ASAP3: variants seen among roughly 807,000 people sequenced by gnomAD.
ASAP3 encodes the protein ArfGAP with SH3 domain, ankyrin repeat and PH domain 3, also known as arf-GAP with SH3 domain, ANK repeat and PH domain-containing protein 3.
ASAP3 carries 85 observed loss-of-function variants against 118.2 expected under a neutral mutation model. The ratio of observed to expected loss-of-function variants is 0.72; its 90% CI spans 0.60 to 0.86. The LOEUF (loss-of-function observed/expected upper bound fraction) is 0.86, where lower values mean the gene tolerates loss of function less well. ASAP3 is among the 40% of genes least tolerant of loss of function. The pLI, the probability that ASAP3 is intolerant of heterozygous loss-of-function variation, is 0.00. For synonymous variants in ASAP3, 432 were observed against 477.4 expected, an observed-to-expected ratio of 0.90 and a Z score of 1.24; for missense variants, 1,026 against 1,175.0, an observed-to-expected ratio of 0.87 and a Z score of 1.85.
Position 23,433,191 on chromosome 1 carries a change from C to T in ASAP3, c.2209G>A (p.Ala737Thr), listed in dbSNP as rs776707855. The change falls in exon 22 of 25, where the codon GCC becomes ACC. Residue 737 changes from alanine (A) to threonine (T), a missense_variant. By Grantham distance (58) the Ala-to-Thr change is moderately conservative. Coordinates refer to ENST00000336689, the MANE Select transcript of ASAP3 (RefSeq NM_017707.4). Reference protein sequence around the residue: ...DISNKTYETVASLGAATPQGE... With the variant: ...DISNKTYETVTSLGAATPQGE... ...TGAGGGGTGGCTGCTCCCAGGCTGG[C>T]GACAGTCTCATAGGTCTTGTTGCTG... 3.1e-6 allele frequency: 5 copies of T among 1,613,998 alleles called. No individual in the cohort carries two copies. The highest frequency in any genetic ancestry group is 1.6e-4 in the Middle Eastern group (1 of 6,084).
chr1:23,437,423 C>T lies in ASAP3; in HGVS notation c.1151+1G>A, dbSNP rs1640715951. 5.6e-6 allele frequency: 9 copies of T among 1,613,934 alleles called. No homozygotes were observed. Among genetic ancestry groups the T allele is most frequent in the Non-Finnish European group, 7.6e-6 (9 of 1,179,906 alleles). ...GCCGGGCTGGCCGAGGGGGCACTCA[C>T]GCCTCACACTCGTGCTCGTCCTCTG... is the stretch of plus-strand genomic sequence containing the variant. On this transcript the variant is annotated splice_donor_variant, in intron 13 of 24. Transcript: ENST00000336689. LOFTEE classifies it high-confidence loss of function. The surrounding 1 kb of genome is among the most constrained non-coding windows in gnomAD (Gnocchi z 6.1).
At chr1:23,442,001 T>A (rs1482417830) in intron 7 of ASAP3, among the ~76,000 whole-genome samples, 185 bp downstream of exon 7, 1 of 152,132 alleles carries the variant, frequency 6.6e-6, no homozygotes, top group Non-Finnish European at 1.5e-5. Flanking sequence ...GTTGGGGAAT[T>A]GAGCGAATTG....
intron 1 of ASAP3, among the ~76,000 whole-genome samples, chr1:23,459,134 C>T (rs1641484918): frequency 7.6e-6 from 1 of 132,256 alleles, no homozygotes; most frequent in Non-Finnish European, 1.5e-5. Context: ...GGTACCACTG[C>T]ACTCCAGCCT....
chr1:23,429,971 G>T, intron 24 of ASAP3, 41 bp from the exon 25 acceptor site: 1 of 1,534,226 alleles, frequency 6.5e-7, no homozygotes, highest in Non-Finnish European at 9.0e-7. Flanking sequence ...CAAAGCACCT[G>T]TAACATACCA....
At chr1:23,435,816 G>A (rs972165440) in intron 17 of ASAP3, 35 bp downstream of exon 17, 6 of 1,613,172 alleles carry the variant, frequency 3.7e-6, no homozygotes, top group Non-Finnish European at 5.1e-6. Flanking sequence ...ATGTTAGACA[G>A]GTGGGTTATA....
intron 1 of ASAP3, among the ~76,000 whole-genome samples, chr1:23,458,471 C>T (rs1165837818): frequency 3.3e-5 from 5 of 151,964 alleles, no homozygotes; most frequent in Non-Finnish European, 5.9e-5. Context: ...TGGTGGCATG[C>T]ACCTATAGTC....
Position 23,438,711 on chromosome 1 carries a change from A to G in ASAP3, c.1102+36T>C, listed in dbSNP as rs201765880. On this transcript the variant is annotated intron_variant, in intron 12 of 24. Transcript: ENST00000336689. This position sits in a 1 kb window ranked among gnomAD's most constrained non-coding sequence, Gnocchi z 4.9. ...CAGGTGTCTTAGAGAAGCCCTGAGC[A>G]GCTGTGGGTGGGGGAGAGGCACAGG... is the stretch of plus-strand genomic sequence containing the variant. 1 of 1,598,190 alleles carries G rather than the reference A, an allele frequency of 6.3e-7. No individual in the cohort carries two copies. Among genetic ancestry groups the G allele is most frequent in the Non-Finnish European group, 8.6e-7 (1 of 1,165,734 alleles).
At chr1:23,454,026 AT>A (rs1221814523) in intron 3 of ASAP3, among the ~76,000 whole-genome samples, 39 of 147,070 alleles carry the variant, frequency 2.7e-4, no homozygotes, top group Non-Finnish European at 3.6e-4. Context: ...CTCAAACACT[AT>A]TTTTTTTTTT....
Position 23,433,667 on chromosome 1 carries a change from C to T in ASAP3, c.1978G>A (p.Asp660Asn). 4.3e-6 allele frequency: 7 copies of T among 1,614,240 alleles called. No homozygotes were observed. The highest frequency in any genetic ancestry group is 5.9e-6 in the Non-Finnish European group (7 of 1,180,048). The change falls in exon 20 of 25, where the codon GAC becomes AAC. Residue 660 changes from aspartate (D) to asparagine (N), a missense_variant. Physicochemically the swap from Asp to Asn is conservative, Grantham distance 23. Coordinates refer to ENST00000336689, the MANE Select transcript of ASAP3 (RefSeq NM_017707.4). ...TTGTGGTGCTTCTTCCTGGCTATGT[C>T]CAGAGCTGTCTCGCCTGCTTCATTT... ...TVNEAGETAL[D>N]IARKKHHKEC... is the part of the protein sequence containing the mutation.
chr1:23,458,538 T>C (rs1055951414), intron 1 of ASAP3, among the ~76,000 whole-genome samples: 2 of 152,042 alleles, frequency 1.3e-5, no homozygotes, highest in African/African-American at 4.8e-5. Flanking sequence ...AGGTCAAAAC[T>C]GCAGTGAGCC....
intron 1 of ASAP3, among the ~76,000 whole-genome samples, chr1:23,457,802 C>G (rs373237408): frequency 1.3e-5 from 2 of 152,180 alleles, no homozygotes; most frequent in African/African-American, 4.8e-5. Flanking sequence ...CATGAGCCAC[C>G]GTGCCCGGGC....
At chr1:23,480,113 G>T (rs1642262385) in intron 1 of ASAP3, 1 of 152,224 alleles carries the variant, frequency 6.6e-6, no homozygotes, top group Non-Finnish European at 1.5e-5. Flanking sequence ...GGTGAGCCAT[G>T]ATTGTGCCAC....
intron 5 of ASAP3, among the ~76,000 whole-genome samples, chr1:23,444,607 C>A (rs939425491): frequency 6.6e-6 from 1 of 152,188 alleles, no homozygotes; most frequent in African/African-American, 2.4e-5. Flanking sequence ...ATAGAAGACA[C>A]ATGGCAGCTT....
intron 1 of ASAP3, among the ~76,000 whole-genome samples, chr1:23,461,130 G>T (rs1287677526): frequency 6.6e-6 from 1 of 152,146 alleles, no homozygotes; most frequent in Non-Finnish European, 1.5e-5. Flanking sequence ...TATAATGGTG[G>T]ATACATGGAA....
chr1:23,450,878 C>T (rs911092790), intron 5 of ASAP3, among the ~76,000 whole-genome samples: 2 of 152,186 alleles, frequency 1.3e-5, no homozygotes. Context: ...GGAGTCTCTG[C>T]CCAGGAGGAA....
intron 1 of ASAP3, among the ~76,000 whole-genome samples, chr1:23,478,084 G>A (rs1392485971): frequency 1.3e-5 from 2 of 152,198 alleles, no homozygotes; most frequent in Admixed American, 6.5e-5. Context: ...GGTCCACACC[G>A]CCCAACAAAA....
At chr1:23,431,607 G>T in intron 23 of ASAP3, 89 bp downstream of exon 23, 1 of 1,245,650 alleles carries the variant, frequency 8.0e-7, no homozygotes, top group Non-Finnish European at 1.1e-6. Context: ...CCAGTCTTTA[G>T]GCAGGTACTA....
intron 10 of ASAP3, 112 bp from the exon 11 acceptor site, chr1:23,439,342 C>A: frequency 1.1e-6 from 1 of 942,066 alleles, no homozygotes; most frequent in East Asian, 2.6e-5. Context: ...CATCCCTTTA[C>A]CTCTTTCTTC....
At chr1:23,480,445 C>A (rs1642272029) in intron 1 of ASAP3, among the ~76,000 whole-genome samples, 1 of 152,142 alleles carries the variant, frequency 6.6e-6, no homozygotes, top group African/African-American at 2.4e-5. Context: ...GTTCATCTAT[C>A]CTTCCACCTG....
Sources: gnomAD v4.1 joint callset for allele counts (sites outside exome capture counted in the v4.1 genomes callset) on GRCh38, gnomAD v4.1.1 for gene constraint, Gnocchi (gnomAD v3.1) non-coding constraint, MANE v1.5 for transcripts, NCBI Gene and HGNC (gene_info 2026-07-23, HGNC 2026-07-21) for gene names.